Variants in MACROD2 observed in about 807,000 individuals in gnomAD.
MACROD2 encodes mono-ADP ribosylhydrolase 2.
In MACROD2, 36 loss-of-function variants were observed where a neutral mutation model predicts 70.4. That is an observed-to-expected ratio of 0.51 (90% CI 0.39 to 0.68). The LOEUF (loss-of-function observed/expected upper bound fraction) is 0.68, where lower values mean the gene tolerates loss of function less well. Ranked by LOEUF, MACROD2 falls within the 30% of genes least tolerant of loss-of-function variation. The probability of loss-of-function intolerance (pLI) is 0.00; values close to 1 mark genes in which losing one functional copy is unlikely to be tolerated. For synonymous variants in MACROD2, 172 were observed against 178.8 expected (o/e 0.96, Z 0.30); for missense variants, 496 against 538.4 (o/e 0.92, Z 0.78).
intron 4 of MACROD2, among the ~76,000 whole-genome samples, chr20:14,529,733 A>C (rs1425733918): frequency 2.0e-5 from 3 of 152,210 alleles, no homozygotes; most frequent in Non-Finnish European, 4.4e-5. Context: ...TTGGTAAAAG[A>C]AGAAGGGGCT....
At chr20:15,917,973 G>A (rs1008430241) in intron 10 of MACROD2, among the ~76,000 whole-genome samples, 2 of 152,130 alleles carry the variant, frequency 1.3e-5, no homozygotes, top group Non-Finnish European at 2.9e-5. Flanking sequence ...CTGTAGTACT[G>A]CAAAATTGCT....
chr20:14,917,072 C>G (rs144933185), intron 5 of MACROD2, among the ~76,000 whole-genome samples: 1 of 151,572 alleles, frequency 6.6e-6, no homozygotes, highest in Non-Finnish European at 1.5e-5. Context: ...TTTTCTTCCT[C>G]GGGGTGGAGT....
At chr20:14,762,957 A>C (rs1182482681) in intron 5 of MACROD2, among the ~76,000 whole-genome samples, 1 of 152,018 alleles carries the variant, frequency 6.6e-6, no homozygotes, top group Non-Finnish European at 1.5e-5. Flanking sequence ...ACAAACAAAA[A>C]ACATAAATGA....
chr20:15,229,571 G>T (rs1472620555), intron 5 of MACROD2, among the ~76,000 whole-genome samples: 1 of 152,052 alleles, frequency 6.6e-6, no homozygotes, highest in Non-Finnish European at 1.5e-5. Context: ...TGTTCCTTTT[G>T]CAGGCAATTA....
At chr20:15,422,014 A>G (rs897835855) in intron 6 of MACROD2, among the ~76,000 whole-genome samples, 1 of 152,242 alleles carries the variant, frequency 6.6e-6, no homozygotes, top group African/African-American at 2.4e-5. Context: ...GACAGAGGTG[A>G]CAACAAGGTC....
chr20:15,484,678 A>G (rs1162208922), intron 7 of MACROD2, among the ~76,000 whole-genome samples: 1 of 152,134 alleles, frequency 6.6e-6, no homozygotes, highest in Non-Finnish European at 1.5e-5. Flanking sequence ...TGGAAGCATG[A>G]GGGGATTTTT....
chr20:15,221,100 G>A (rs1037141210), intron 5 of MACROD2, among the ~76,000 whole-genome samples: 2 of 151,982 alleles, frequency 1.3e-5, no homozygotes, highest in Non-Finnish European at 2.9e-5. Context: ...CTTGCAGTGG[G>A]GACTAATATT....
chr20:14,230,539 AC>A (rs1474416634), intron 3 of MACROD2, among the ~76,000 whole-genome samples: 3 of 149,590 alleles, frequency 2.0e-5, no homozygotes, highest in Non-Finnish European at 4.4e-5. Flanking sequence ...TATTTTTACC[AC>A]ATCTGCAGTG....
In MACROD2 at chr20:15,373,571, A is replaced by G. The variant is rs548077629; in HGVS notation, c.541-57834A>G. 2.6e-5 allele frequency among the ~76,000 whole-genome samples: 4 copies of G among 151,950 alleles called. No homozygotes were observed. In the East Asian group the frequency reaches 7.8e-4, roughly 29 times the overall value. ...AGGCATGTCACTGCACTTAGTTAGT[A>G]TTTTTATTTTTAGTAGCAATGGGGT... On this transcript the variant is annotated intron_variant, in intron 6 of 17. Coordinates refer to ENST00000684519, the MANE Select transcript of MACROD2 (RefSeq NM_001351661.2).
At chr20:14,842,014 G>T (rs903894089) in intron 5 of MACROD2, among the ~76,000 whole-genome samples, 1 of 149,236 alleles carries the variant, frequency 6.7e-6, no homozygotes, top group Non-Finnish European at 1.5e-5. Context: ...ACAAAGAAAA[G>T]AGGTTTTTTG....
intron 6 of MACROD2, among the ~76,000 whole-genome samples, chr20:15,425,170 C>CTA (rs375237033): frequency 3.9e-4 from 60 of 152,334 alleles, no homozygotes; most frequent in African/African-American, 1.3e-3. Context: ...TGGAAAACTC[C>CTA]TATCTATGAC....
chr20:15,183,134 C>A lies in MACROD2; in HGVS notation c.419-46806C>A, dbSNP rs564477694. Among the ~76,000 whole-genome samples the A allele has an allele frequency of 2.6e-5, 4 of 152,264 alleles. No homozygotes were observed. In the East Asian group the frequency reaches 5.8e-4, roughly 22 times the overall value. ...GGCCAGATCCCAGAACTTCAGAATACACTTACACTGCTTGTGTTAAGTAAG... is the reference window on the plus strand; with the variant it reads ...GGCCAGATCCCAGAACTTCAGAATAAACTTACACTGCTTGTGTTAAGTAAG... On this transcript the variant is annotated intron_variant, in intron 5 of 17. Coordinates refer to ENST00000684519, the MANE Select transcript of MACROD2 (RefSeq NM_001351661.2).
chr20:14,414,967 A>G (rs2083788635), intron 3 of MACROD2, among the ~76,000 whole-genome samples: 1 of 149,618 alleles, frequency 6.7e-6, no homozygotes, highest in Non-Finnish European at 1.5e-5. Context: ...ATCACCATGT[A>G]TTAGTATACA....
chr20:15,543,735 C>A (rs898763636), intron 8 of MACROD2, among the ~76,000 whole-genome samples: 47 of 152,300 alleles, frequency 3.1e-4, no homozygotes, highest in African/African-American at 1.1e-3. Flanking sequence ...ATAGTTCAGG[C>A]CAAATGGCTC....
intron 5 of MACROD2, among the ~76,000 whole-genome samples, chr20:14,978,857 A>AT (rs1314898456): frequency 3.0e-5 from 4 of 134,638 alleles, no homozygotes; most frequent in African/African-American, 1.1e-4. Flanking sequence ...TATTATATAT[A>AT]TATATAATAT....
At chr20:15,876,815 G>A (rs1035701046) in intron 9 of MACROD2, among the ~76,000 whole-genome samples, 4 of 152,132 alleles carry the variant, frequency 2.6e-5, no homozygotes, top group African/African-American at 7.2e-5. Context: ...ACTAACTGGG[G>A]TGAGATGATA....
chr20:14,222,462 A>G (rs1000027138), intron 3 of MACROD2, among the ~76,000 whole-genome samples: 3 of 152,138 alleles, frequency 2.0e-5, no homozygotes, highest in Admixed American at 6.5e-5. Context: ...AGAATTTAGA[A>G]TGATATGCAA....
At chr20:15,176,076 T>C (rs890942183) in intron 5 of MACROD2, among the ~76,000 whole-genome samples, 4 of 152,218 alleles carry the variant, frequency 2.6e-5, no homozygotes, top group Non-Finnish European at 5.9e-5. Flanking sequence ...GCTGTTGCAA[T>C]GTGGCCAGGT....
At chr20:14,336,456 A>T (rs1340750753) in intron 3 of MACROD2, among the ~76,000 whole-genome samples, 1 of 152,204 alleles carries the variant, frequency 6.6e-6, no homozygotes, top group Non-Finnish European at 1.5e-5. Context: ...GACCTAATTC[A>T]GTGAACAAAA....
Sources: gnomAD v4.1 joint callset for allele counts (sites outside exome capture counted in the v4.1 genomes callset) on GRCh38, gnomAD v4.1.1 for gene constraint, MANE v1.5 for transcripts, NCBI Gene and HGNC (gene_info 2026-07-23, HGNC 2026-07-21) for gene names.